The following PSMF1 variants were observed in gnomAD, a reference collection of about 807,000 sequenced individuals.
PSMF1 encodes the protein proteasome inhibitor PI31 subunit.
Under a neutral mutation model 29.3 loss-of-function variants are expected in PSMF1, and 30 were observed. The observed-to-expected ratio is 1.02, with a 90% CI of 0.77 to 1.39. PSMF1 has a LOEUF of 1.39. Among genes scored for constraint, PSMF1 ranks in the 40% most tolerant of loss-of-function variants. The probability of loss-of-function intolerance (pLI) is 0.00; values close to 1 mark genes in which losing one functional copy is unlikely to be tolerated. For missense variants in PSMF1, 344 were observed against 357.5 expected, an observed-to-expected ratio of 0.96 and a Z score of 0.31; for synonymous variants, 134 against 139.7, an observed-to-expected ratio of 0.96 and a Z score of 0.29.
intron 4 of PSMF1, among the ~76,000 whole-genome samples, chr20:1,152,549 T>C (rs1356085856): frequency 6.6e-6 from 1 of 152,148 alleles, no homozygotes; most frequent in East Asian, 1.9e-4. Flanking sequence ...ATCAGGAGAA[T>C]GGGAAGCCAC....
Position 1,164,193 on chromosome 20 carries a change from C to A in PSMF1, c.606-125C>A. On this transcript the variant is annotated intron_variant, in intron 5 of 6. Coordinates refer to ENST00000335877, the MANE Select transcript of PSMF1 (RefSeq NM_006814.5). This position sits in a 1 kb window ranked among gnomAD's most constrained non-coding sequence, Gnocchi z 4.1. ...CCGCTGGCTCTCAGGCAGCCATCCA[C>A]ATGTCTGCTTGGGCCATCCAGAGTA... The A allele has an allele frequency of 1.0e-6, 1 of 997,630 alleles. No homozygotes were observed. The highest frequency in any genetic ancestry group is 1.6e-6 in the Non-Finnish European group (1 of 641,674). The allele number at this position is 997,630 out of a possible 1,614,324, so 61.8% of individuals were successfully genotyped here.
chr20:1,120,146 C>T (rs1463994217), intron 1 of PSMF1, among the ~76,000 whole-genome samples: 2 of 152,000 alleles, frequency 1.3e-5, no homozygotes, highest in Non-Finnish European at 2.9e-5. Flanking sequence ...ACCCCTCTCA[C>T]ACTTTACCCC....
At chr20:1,160,831 A>G in intron 4 of PSMF1, 1 of 463,860 alleles carries the variant, frequency 2.2e-6, no homozygotes, top group Non-Finnish European at 4.4e-6. Context: ...GAAGGCATGG[A>G]GAAGATCTGG....
At chr20:1,161,513 G>A in intron 4 of PSMF1, 1 of 541,184 alleles carries the variant, frequency 1.8e-6, no homozygotes, top group Non-Finnish European at 3.4e-6. Context: ...ACAGGATGCA[G>A]AAAGAGATCA....
intron 4 of PSMF1, among the ~76,000 whole-genome samples, chr20:1,145,294 G>A (rs968315270): frequency 1.3e-4 from 20 of 152,128 alleles, no homozygotes; most frequent in African/African-American, 3.6e-4. Flanking sequence ...TGTGTAGGGG[G>A]ACAGTGGATC....
chr20:1,141,570 G>A (rs960349472), intron 4 of PSMF1, among the ~76,000 whole-genome samples: 8 of 151,926 alleles, frequency 5.3e-5, no homozygotes, highest in African/African-American at 1.9e-4. Context: ...ACCAGCAAAC[G>A]TGATTTATTT....
intron 4 of PSMF1, among the ~76,000 whole-genome samples, chr20:1,157,677 G>C (rs1337846925): frequency 6.6e-6 from 1 of 152,082 alleles, no homozygotes; most frequent in Non-Finnish European, 1.5e-5. Context: ...TGGTCACGTG[G>C]TCGTAGCTGG....
intron 3 of PSMF1, among the ~76,000 whole-genome samples, chr20:1,130,248 G>T (rs1187415435): frequency 2.0e-5 from 3 of 152,148 alleles, no homozygotes; most frequent in African/African-American, 2.4e-5. Context: ...GGAGATGGAT[G>T]GTAGGTGATT....
At chr20:1,118,129 A>G (rs561859382), upstream of PSMF1, 3 of 152,388 alleles carry the variant, frequency 2.0e-5, no homozygotes, top group East Asian at 5.8e-4. Flanking sequence ...TCCCATAACC[A>G]TTTCAGCCGT....
Position 1,164,301 on chromosome 20 carries a change from T to A in PSMF1, c.606-17T>A. 6.2e-7 allele frequency: 1 copy of A among 1,610,064 alleles called. No individual in the cohort carries two copies. The highest frequency in any genetic ancestry group is 8.5e-7 in the Non-Finnish European group (1 of 1,176,360). On this transcript the variant is annotated splice_polypyrimidine_tract_variant and intron_variant, in intron 5 of 6. Coordinates refer to ENST00000335877, the MANE Select transcript of PSMF1 (RefSeq NM_006814.5). This position sits in a 1 kb window ranked among gnomAD's most constrained non-coding sequence, Gnocchi z 4.1. Reference sequence around the variant, plus strand: ...TCCTTGCCACACCTGCTTACCTAACTTTTCTTCTTGCCTCAGGCCTCGGAG... The same window carrying A: ...TCCTTGCCACACCTGCTTACCTAACATTTCTTCTTGCCTCAGGCCTCGGAG...
chr20:1,165,380 A>T lies in PSMF1; in HGVS notation c.*300A>T. 3.8e-6 allele frequency: 5 copies of T among 1,311,546 alleles called. No individual in the cohort carries two copies. The highest frequency in any genetic ancestry group is 4.9e-6 in the Non-Finnish European group (5 of 1,029,282). 81.2% of individuals were successfully genotyped at this position (1,311,546 alleles called of 1,614,324 possible). A position where few individuals can be genotyped will look rare whatever the true frequency, so the allele number is the denominator to read the frequency against. On this transcript the variant is annotated 3_prime_UTR_variant, in exon 7 of 7. Transcript: ENST00000335877. ...GGAGACTCCGGCAACCTTCAGCAAC[A>T]TATATCCTCGACCAGATGCAGTGCT...
At chr20:1,138,429 A>G (rs948937990) in intron 4 of PSMF1, among the ~76,000 whole-genome samples, 2 of 151,800 alleles carry the variant, frequency 1.3e-5, no homozygotes, top group Non-Finnish European at 2.9e-5. Flanking sequence ...AGGCTGAGGC[A>G]CAGGAATCGC....
Position 1,163,088 on chromosome 20 carries a change from G to T in PSMF1, c.552-42G>T. On this transcript the variant is annotated intron_variant, in intron 4 of 6. Coordinates refer to ENST00000335877, the MANE Select transcript of PSMF1 (RefSeq NM_006814.5). The surrounding 1 kb of genome is among the most constrained non-coding windows in gnomAD (Gnocchi z 6.1). The stretch of plus-strand genomic sequence containing the variant: ...TGATCCCACATGTATCAGGTGCCTG[G>T]CTGCTCTGGGACTTGCAGTAATTGT... 1 of 1,609,684 alleles carries T rather than the reference G, an allele frequency of 6.2e-7. No individual in the cohort carries two copies. The highest frequency in any genetic ancestry group is 8.5e-7 in the Non-Finnish European group (1 of 1,176,530).
In PSMF1 at chr20:1,172,124, C is replaced by A. The variant is rs1355060473; in HGVS notation, c.*7044C>A. ...CAACCTGCCCTCCTCCTCTCCCCCA[C>A]AGAGCTTCCCAATTTACATGTAAAC... On this transcript the variant is annotated 3_prime_UTR_variant, in exon 7 of 7. Coordinates refer to ENST00000335877, the MANE Select transcript of PSMF1 (RefSeq NM_006814.5). Among the ~76,000 whole-genome samples, 1 of 152,244 alleles carries A rather than the reference C, an allele frequency of 6.6e-6. No individual in the cohort carries two copies. Among genetic ancestry groups the A allele is most frequent in the African/African-American group, 2.4e-5 (1 of 41,468 alleles).
intron 3 of PSMF1, among the ~76,000 whole-genome samples, chr20:1,129,110 A>C (rs781073256): frequency 1.3e-5 from 2 of 150,650 alleles, no homozygotes; most frequent in Non-Finnish European, 3.0e-5. Context: ...CGATCTCCTG[A>C]CCTCGTGATC....
intron 3 of PSMF1, 74 bp downstream of exon 3, chr20:1,127,582 A>G: frequency 8.1e-7 from 1 of 1,227,274 alleles, no homozygotes; most frequent in African/African-American, 1.5e-5. Flanking sequence ...AATAGGGTGG[A>G]TGTGTCCAGA....
chr20:1,121,545 C>A (rs774739946), intron 1 of PSMF1, among the ~76,000 whole-genome samples: 11 of 152,060 alleles, frequency 7.2e-5, no homozygotes, highest in Non-Finnish European at 1.3e-4. Context: ...CAGCCTGGGG[C>A]CAGCCAACTC....
intron 4 of PSMF1, among the ~76,000 whole-genome samples, chr20:1,148,352 T>G (rs1372403334): frequency 2.0e-5 from 3 of 152,238 alleles, no homozygotes; most frequent in African/African-American, 7.2e-5. Flanking sequence ...TTCATTATCA[T>G]TATAAGTCTA....
chr20:1,116,752 T>C (rs1251524845), upstream of PSMF1, among the ~76,000 whole-genome samples: 3 of 151,944 alleles, frequency 2.0e-5, no homozygotes, highest in Non-Finnish European at 4.4e-5. Context: ...TAACATAGTT[T>C]CAGGTTATGA....
Sources: gnomAD v4.1 joint callset for allele counts (sites outside exome capture counted in the v4.1 genomes callset) on GRCh38, gnomAD v4.1.1 for gene constraint, Gnocchi (gnomAD v3.1) non-coding constraint, MANE v1.5 for transcripts, NCBI Gene and HGNC (gene_info 2026-07-23, HGNC 2026-07-21) for gene names.